Variants in CADM2 observed in about 807,000 individuals in gnomAD.
CADM2 encodes the protein cell adhesion molecule 2, also known as immunoglobulin superfamily member 4D.
In CADM2, 12 loss-of-function variants were observed where a neutral mutation model predicts 49.8. That is an observed-to-expected ratio of 0.24 (90% CI 0.15 to 0.39). The LOEUF is 0.39. Among genes scored for constraint, CADM2 ranks in the 10% least tolerant of loss-of-function variants. CADM2 has a pLI of 1.00. For synonymous variants in CADM2, 214 were observed against 175.4 expected (o/e 1.22, Z -1.74); for missense variants, 378 against 492.3 (o/e 0.77, Z 2.20).
intron 1 of CADM2, among the ~76,000 whole-genome samples, chr3:85,031,593 C>T (rs899765889): frequency 6.6e-6 from 1 of 152,200 alleles, no homozygotes; most frequent in African/African-American, 2.4e-5. Context: ...CGGCTCACTG[C>T]AAGCTCCGCC....
At chr3:85,439,230 C>T (rs935074297) in intron 1 of CADM2, among the ~76,000 whole-genome samples, 1 of 150,768 alleles carries the variant, frequency 6.6e-6, no homozygotes, top group Non-Finnish European at 1.5e-5. Flanking sequence ...TTGAACTCAC[C>T]GCAACCTCCA....
At chr3:85,682,594 AT>A (rs1474846147) in intron 1 of CADM2, among the ~76,000 whole-genome samples, 7 of 152,108 alleles carry the variant, frequency 4.6e-5, no homozygotes, top group Non-Finnish European at 1.0e-4. Context: ...TTGTGTATAA[AT>A]TATTAAATAA....
At chr3:85,445,969 T>C (rs1218399120) in intron 1 of CADM2, among the ~76,000 whole-genome samples, 1 of 152,166 alleles carries the variant, frequency 6.6e-6, no homozygotes, top group Non-Finnish European at 1.5e-5. Flanking sequence ...GAGATGAAGC[T>C]TCTACAAATA....
At chr3:85,447,994 C>T (rs915268120) in intron 1 of CADM2, among the ~76,000 whole-genome samples, 2 of 151,970 alleles carry the variant, frequency 1.3e-5, no homozygotes, top group Non-Finnish European at 2.9e-5. Flanking sequence ...GCAAAACACA[C>T]ACAAAAAGAC....
Position 85,603,462 on chromosome 3 carries a change from A to G in CADM2, c.62-123060A>G, listed in dbSNP as rs1334215039. Among the ~76,000 whole-genome samples the G allele has an allele frequency of 2.0e-5, 3 of 151,872 alleles. No individual in the cohort carries two copies. In the Admixed American group the frequency reaches 2.0e-4, roughly 10 times the overall value. On this transcript the variant is annotated intron_variant, in intron 1 of 9. Coordinates refer to ENST00000383699, the MANE Select transcript of CADM2 (RefSeq NM_001167675.2). ...TGTTTTTCCTCAATTTCAAGAAGAA[A>G]CTTATGTGTCAGCTCACAGGACTCT...
chr3:85,615,206 A>AAGAG (rs138179330), intron 1 of CADM2, among the ~76,000 whole-genome samples: 2 of 149,670 alleles, frequency 1.3e-5, no homozygotes, highest in East Asian at 1.9e-4. Flanking sequence ...GTACTACAGA[A>AAGAG]AGAGAGAGAG....
At chr3:85,651,202 A>G (rs2065032846) in intron 1 of CADM2, among the ~76,000 whole-genome samples, 1 of 152,170 alleles carries the variant, frequency 6.6e-6, no homozygotes, top group Non-Finnish European at 1.5e-5. Flanking sequence ...AATGTAATAC[A>G]TTCTGAAAAA....
intron 8 of CADM2, among the ~76,000 whole-genome samples, chr3:85,967,459 A>G (rs2108631639): frequency 6.6e-6 from 1 of 151,820 alleles, no homozygotes; most frequent in South Asian, 2.1e-4. Context: ...TGCAGCAATC[A>G]TTAAGCAACA....
chr3:85,245,489 C>T (rs927757067), intron 1 of CADM2, among the ~76,000 whole-genome samples: 12 of 148,962 alleles, frequency 8.1e-5, no homozygotes, highest in Admixed American at 4.7e-4. Flanking sequence ...TCCAGCCTGG[C>T]GACAGATTGA....
chr3:85,902,025 C>A (rs2108451570), intron 5 of CADM2, among the ~76,000 whole-genome samples: 1 of 152,112 alleles, frequency 6.6e-6, no homozygotes, highest in South Asian at 2.1e-4. Context: ...TTTAGTCATT[C>A]ATTAGTTGAT....
intron 6 of CADM2, among the ~76,000 whole-genome samples, chr3:85,933,688 C>T (rs934146387): frequency 7.2e-5 from 11 of 152,102 alleles, no homozygotes; most frequent in African/African-American, 2.4e-4. Flanking sequence ...TTTAGTTCCA[C>T]TCTGAGTCTA....
intron 1 of CADM2, among the ~76,000 whole-genome samples, chr3:85,673,226 A>G (rs2107638643): frequency 6.6e-6 from 1 of 152,238 alleles, no homozygotes; most frequent in Non-Finnish European, 1.5e-5. Context: ...GCAAGTAAAA[A>G]CCTCACTGTC....
chr3:85,573,265 T>C (rs1465512370), intron 1 of CADM2, among the ~76,000 whole-genome samples: 1 of 151,918 alleles, frequency 6.6e-6, no homozygotes, highest in Non-Finnish European at 1.5e-5. Context: ...TGATCTTGGC[T>C]CACTACAATC....
At chr3:86,027,177 C>T (rs1734001581) in intron 8 of CADM2, among the ~76,000 whole-genome samples, 1 of 151,940 alleles carries the variant, frequency 6.6e-6, no homozygotes, top group South Asian at 2.1e-4. Context: ...GTGTGGATTC[C>T]CTACCTCATC....
intron 1 of CADM2, among the ~76,000 whole-genome samples, chr3:85,025,989 G>T (rs1484872915): frequency 6.6e-6 from 1 of 152,020 alleles, no homozygotes; most frequent in African/African-American, 2.4e-5. Context: ...TCCGCACTTT[G>T]CCAACACATT....
intron 1 of CADM2, among the ~76,000 whole-genome samples, chr3:85,397,229 G>A (rs1403274231): frequency 1.3e-5 from 2 of 152,176 alleles, no homozygotes; most frequent in Non-Finnish European, 2.9e-5. Flanking sequence ...ACATTAAGAA[G>A]GCTATTATAT....
At chr3:85,494,065 C>A (rs1191348323) in intron 1 of CADM2, among the ~76,000 whole-genome samples, 1 of 151,858 alleles carries the variant, frequency 6.6e-6, no homozygotes, top group East Asian at 1.9e-4. Context: ...TTAAATGCAT[C>A]AAAAAATCAA....
intron 1 of CADM2, among the ~76,000 whole-genome samples, chr3:85,300,951 G>A (rs995098726): frequency 2.6e-5 from 4 of 152,014 alleles, no homozygotes; most frequent in East Asian, 3.9e-4. Context: ...TGAGAGTTAC[G>A]TTACTGGCCT....
Position 85,034,790 on chromosome 3 carries a change from C to CTTTTTTTTTT in CADM2, c.61+75137_61+75146dup, listed in dbSNP as rs1179967499. ...TATCTTTTAGATAAAAGACATTTTG[C>CTTTTTTTTTT]TTTTTTTTTTTTTTTTTTTTTTTTA... is the stretch of plus-strand genomic sequence containing the variant. On this transcript the variant is annotated intron_variant, in intron 1 of 9. Transcript: ENST00000383699. Among the ~76,000 whole-genome samples, 22 of 84,060 alleles carry CTTTTTTTTTT rather than the reference C, an allele frequency of 2.6e-4. 1 individual carries two copies. Among genetic ancestry groups the CTTTTTTTTTT allele is most frequent in the African/African-American group, 3.8e-4 (7 of 18,502 alleles). 55.1% of individuals were successfully genotyped at this position (84,060 alleles called of 152,430 possible).
Sources: gnomAD v4.1 joint callset for allele counts (sites outside exome capture counted in the v4.1 genomes callset) on GRCh38, gnomAD v4.1.1 for gene constraint, MANE v1.5 for transcripts, NCBI Gene and HGNC (gene_info 2026-07-23, HGNC 2026-07-21) for gene names.